NEDD4L: variants seen among roughly 807,000 people sequenced by gnomAD.
NEDD4L encodes the protein E3 ubiquitin-protein ligase NEDD4-like.
NEDD4L carries 54 observed loss-of-function variants against 148.9 expected under a neutral mutation model. The observed-to-expected ratio is 0.36, with a 90% confidence interval of 0.29 to 0.45. The LOEUF is 0.45. Among genes scored for constraint, NEDD4L ranks in the 20% least tolerant of loss-of-function variants. The pLI is 1.00. For synonymous variants in NEDD4L, 433 were observed against 440.7 expected (o/e 0.98, Z 0.22); for missense variants, 856 against 1,233.8 (o/e 0.69, Z 4.59).
At chr18:58,136,150 A>G (rs1287070921) in intron 1 of NEDD4L, among the ~76,000 whole-genome samples, 8 of 152,176 alleles carry the variant, frequency 5.3e-5, no homozygotes, top group Admixed American at 3.3e-4. Context: ...ATGTGTTATT[A>G]TTGTGGATGT....
chr18:58,295,009 G>T (rs113715566), intron 5 of NEDD4L, among the ~76,000 whole-genome samples: 5,773 of 152,202 alleles, frequency 0.038, 170 homozygotes, highest in Non-Finnish European at 0.061. Flanking sequence ...GGAAGGCACA[G>T]AAATTTCCCA....
At chr18:58,211,353 AAGAT>A (rs776992640) in intron 2 of NEDD4L, among the ~76,000 whole-genome samples, 29 of 152,250 alleles carry the variant, frequency 1.9e-4, no homozygotes, top group Non-Finnish European at 4.0e-4. Context: ...AGCTGGATAA[AAGAT>A]AGGTCTCTAG....
intron 3 of NEDD4L, among the ~76,000 whole-genome samples, chr18:58,245,815 G>A (rs1007577395): frequency 2.7e-5 from 4 of 150,358 alleles, no homozygotes; most frequent in Middle Eastern, 3.4e-3. Flanking sequence ...TGAATAGCAG[G>A]GATTACAGGC....
At chr18:58,365,868 A>G (rs2046053256) in intron 20 of NEDD4L, 131 bp from the exon 21 acceptor site, 1 of 630,122 alleles carries the variant, frequency 1.6e-6, no homozygotes, top group Non-Finnish European at 2.7e-6. Flanking sequence ...AGAGAATCTC[A>G]GTTGGAACCA....
intron 2 of NEDD4L, among the ~76,000 whole-genome samples, chr18:58,233,823 T>C (rs559280904): frequency 3.0e-4 from 46 of 152,356 alleles, no homozygotes; most frequent in African/African-American, 1.1e-3. Context: ...TTCTGCTGTC[T>C]CTGAGCCCTA....
intron 2 of NEDD4L, among the ~76,000 whole-genome samples, chr18:58,233,521 A>G (rs1333640228): frequency 1.3e-5 from 2 of 152,208 alleles, no homozygotes; most frequent in Admixed American, 1.3e-4. Flanking sequence ...TGATTCAATT[A>G]TCTCCCACTG....
chr18:58,329,184 A>C, intron 10 of NEDD4L, 57 bp downstream of exon 10: 1 of 1,570,934 alleles, frequency 6.4e-7, no homozygotes, highest in Non-Finnish European at 8.7e-7. Flanking sequence ...CATGTTCTCC[A>C]GCTTGATTTT....
At chr18:58,292,462 A>G (rs560232285) in intron 5 of NEDD4L, among the ~76,000 whole-genome samples, 230 of 151,400 alleles carry the variant, frequency 1.5e-3, no homozygotes, top group Non-Finnish European at 2.6e-3. Context: ...CTCACCCGCC[A>G]CCTCACTTCT....
At chr18:58,175,365 A>G (rs1461218375) in intron 2 of NEDD4L, among the ~76,000 whole-genome samples, 1 of 152,230 alleles carries the variant, frequency 6.6e-6, no homozygotes, top group Non-Finnish European at 1.5e-5. Flanking sequence ...CGTGGCCATG[A>G]GGTCCCTCGA....
intron 15 of NEDD4L, among the ~76,000 whole-genome samples, chr18:58,342,010 A>G (rs2042492076): frequency 6.6e-6 from 1 of 151,962 alleles, no homozygotes. Context: ...TCTCATTCTC[A>G]TTTGGCTAAG....
intron 2 of NEDD4L, among the ~76,000 whole-genome samples, chr18:58,209,533 A>G (rs1255684353): frequency 1.8e-5 from 2 of 108,580 alleles, no homozygotes; most frequent in East Asian, 5.1e-4. Flanking sequence ...TCCATTACTT[A>G]CTTGCCTTGT....
chr18:58,286,262 C>T (rs2053890260), intron 5 of NEDD4L, among the ~76,000 whole-genome samples: 3 of 152,136 alleles, frequency 2.0e-5, no homozygotes, highest in Admixed American at 6.5e-5. Flanking sequence ...GTACTATGTT[C>T]TATAGAATAT....
chr18:58,344,358 G>A (rs1164116173), intron 16 of NEDD4L, among the ~76,000 whole-genome samples: 1 of 152,192 alleles, frequency 6.6e-6, no homozygotes, highest in African/African-American at 2.4e-5. Flanking sequence ...TTGGGGCAGG[G>A]ACATTTGTGC....
intron 30 of NEDD4L, among the ~76,000 whole-genome samples, chr18:58,394,205 C>T (rs1374772522): frequency 6.6e-6 from 1 of 152,212 alleles, no homozygotes; most frequent in Non-Finnish European, 1.5e-5. Context: ...GTGCTCAGCA[C>T]TTGATGCGAT....
At chr18:58,295,008 A>G (rs796111718) in intron 5 of NEDD4L, among the ~76,000 whole-genome samples, 25 of 152,316 alleles carry the variant, frequency 1.6e-4, no homozygotes, top group African/African-American at 6.0e-4. Context: ...AGGAAGGCAC[A>G]GAAATTTCCC....
chr18:58,338,163 C>A (rs1227485485), intron 13 of NEDD4L, among the ~76,000 whole-genome samples: 1 of 152,172 alleles, frequency 6.6e-6, no homozygotes, highest in African/African-American at 2.4e-5. Context: ...GGCTTTTGGG[C>A]ATCACAAAGC....
At chr18:58,049,557 G>C (rs2081759386) in intron 1 of NEDD4L, among the ~76,000 whole-genome samples, 1 of 152,172 alleles carries the variant, frequency 6.6e-6, no homozygotes, top group Non-Finnish European at 1.5e-5. Flanking sequence ...CTAGATGCTG[G>C]ATGGTAGACT....
chr18:58,087,907 A>C (rs985148917), intron 1 of NEDD4L, among the ~76,000 whole-genome samples: 1 of 152,230 alleles, frequency 6.6e-6, no homozygotes, highest in Admixed American at 6.5e-5. Flanking sequence ...ATGAACATTT[A>C]CTGCCATACA....
At chr18:58,358,330 C>T (rs1228467781) in intron 19 of NEDD4L, among the ~76,000 whole-genome samples, 1 of 152,100 alleles carries the variant, frequency 6.6e-6, no homozygotes, top group African/African-American at 2.4e-5. Context: ...CAACTTTTTT[C>T]TCTATGCGGC....
Sources: gnomAD v4.1 joint callset for allele counts (sites outside exome capture counted in the v4.1 genomes callset) on GRCh38, gnomAD v4.1.1 for gene constraint, MANE v1.5 for transcripts, NCBI Gene and HGNC (gene_info 2026-07-23, HGNC 2026-07-21) for gene names.